The following SMIM7 variants were observed in gnomAD, a reference collection of about 807,000 sequenced individuals.
SMIM7 encodes the protein small integral membrane protein 7, also known as UPF0608 protein C19orf42.
In SMIM7, 12 loss-of-function variants were observed where a neutral mutation model predicts 13.3. The observed-to-expected ratio is 0.90, with a 90% confidence interval of 0.58 to 1.46. The LOEUF is 1.46. SMIM7 is among the 40% of genes most tolerant of loss of function. The pLI is 0.00. For synonymous variants in SMIM7, 36 were observed against 35.8 expected, an observed-to-expected ratio of 1.01 and a Z score of -0.02; for missense variants, 114 against 94.8, an observed-to-expected ratio of 1.20 and a Z score of -0.84.
intron 4 of SMIM7, 81 bp downstream of exon 4, chr19:16,653,954 C>CA (rs2086562523): frequency 9.2e-7 from 1 of 1,081,904 alleles, no homozygotes; most frequent in Admixed American, 2.2e-5. Context: ...ACTGAAAAGA[C>CA]AGAGAATGAC....
intron 4 of SMIM7, among the ~76,000 whole-genome samples, chr19:16,635,915 T>TATAC (rs2086357289): frequency 7.0e-6 from 1 of 142,468 alleles, no homozygotes; most frequent in African/African-American, 2.6e-5. Flanking sequence ...TATATATATA[T>TATAC]ATATATATGT....
chr19:16,654,156 C>T (rs754459148), intron 3 of SMIM7, 31 bp from the exon 4 acceptor site: 9 of 1,578,582 alleles, frequency 5.7e-6, no homozygotes, highest in East Asian at 2.2e-5. Flanking sequence ...TTTTATGGCA[C>T]AGCTAACATC....
chr19:16,632,272 G>A (rs2086327528), intron 4 of SMIM7, among the ~76,000 whole-genome samples: 1 of 151,998 alleles, frequency 6.6e-6, no homozygotes. Flanking sequence ...GCTTGGCTTT[G>A]CACTAAGTCT....
intron 4 of SMIM7, 57 bp from the exon 5 acceptor site, chr19:16,647,318 A>G: frequency 1.2e-6 from 2 of 1,602,464 alleles, no homozygotes; most frequent in Non-Finnish European, 1.7e-6. Context: ...TGTTCTAAAA[A>G]TATTGTCAGC....
At chr19:16,640,780 A>G (rs2086398671), downstream of SMIM7, 1 of 152,166 alleles carries the variant, frequency 6.6e-6, no homozygotes, top group Non-Finnish European at 1.5e-5. Flanking sequence ...TAAAAATACC[A>G]ACATTATCCA....
downstream of SMIM7, among the ~76,000 whole-genome samples, chr19:16,642,903 G>A (rs544831555): frequency 9.4e-5 from 14 of 149,518 alleles, no homozygotes; most frequent in East Asian, 6.0e-4. Flanking sequence ...GGCTCACTGC[G>A]ACCTCCACCT....
chr19:16,637,123 G>A (rs967333152), intron 4 of SMIM7, among the ~76,000 whole-genome samples: 1 of 152,166 alleles, frequency 6.6e-6, no homozygotes, highest in African/African-American at 2.4e-5. Flanking sequence ...ACAGCCACAC[G>A]TGGCTCCTGG....
At chr19:16,653,086 G>A (rs749420974) in intron 4 of SMIM7, 64 of 1,134,890 alleles carry the variant, frequency 5.6e-5, no homozygotes, top group East Asian at 1.1e-4. Flanking sequence ...TTTCCACCTC[G>A]GCAGATGCAG....
downstream of SMIM7, among the ~76,000 whole-genome samples, chr19:16,642,848 G>A (rs1211931501): frequency 2.9e-5 from 4 of 137,198 alleles, no homozygotes; most frequent in African/African-American, 8.3e-5. Flanking sequence ...TTTTGAGACA[G>A]AGTCTCACTC....
At chr19:16,634,942 CTT>C (rs1354734486) in intron 4 of SMIM7, 2 of 152,290 alleles carry the variant, frequency 1.3e-5, no homozygotes, top group Non-Finnish European at 2.9e-5. Context: ...TCTCACCACT[CTT>C]GAGTGGGTCT....
At position 16,659,676 on chromosome 19, in the gene SMIM7, C is replaced by T. The variant is rs532255085; in HGVS notation, c.69-229G>A. 314 of 653,974 alleles carry T rather than the reference C, an allele frequency of 4.8e-4. No individual in the cohort carries two copies. In the African/African-American group the frequency reaches 5.1e-3, roughly 11 times the overall value. The allele number at this position is 653,974 out of a possible 1,614,324, so 40.5% of individuals were successfully genotyped here. A position where few individuals can be genotyped will look rare whatever the true frequency, so the allele number is the denominator to read the frequency against. ...ACAAAGTGGCCCGACAGTGCGGGTG[C>T]AGGGCGGAAGGTCCGCGGTGGGGCT... On this transcript the variant is annotated intron_variant, in intron 2 of 4. Coordinates refer to ENST00000487416, the MANE Select transcript of SMIM7 (RefSeq NM_024104.4).
At chr19:16,659,358 G>A (rs774351914) in intron 3 of SMIM7, 37 bp downstream of exon 3, 6 of 1,586,584 alleles carry the variant, frequency 3.8e-6, no homozygotes, top group Non-Finnish European at 5.2e-6. Flanking sequence ...GTCCTCTGAA[G>A]TGGACCATGC....
chr19:16,659,992 A>C lies in SMIM7; in HGVS notation c.35T>G (p.Leu12Arg). ...GTTCAGCACCGCCCCGGCATTCATC[A>C]GCAACGTCCTGCAGAGGGAGAATTA... Reference protein sequence around the residue: ...IGDILLFGTLLMNAGAVLNFK... With the variant: ...IGDILLFGTLRMNAGAVLNFK... Residue 12 changes from leucine to arginine, a missense_variant, in exon 2 of 5, where the codon CTG becomes CGG. Coordinates refer to ENST00000487416, the MANE Select transcript of SMIM7 (RefSeq NM_024104.4). The C allele has an allele frequency of 6.2e-7, 1 of 1,613,898 alleles. No individual in the cohort carries two copies. The highest frequency in any genetic ancestry group is 8.5e-7 in the Non-Finnish European group (1 of 1,179,950).
chr19:16,635,620 G>A (rs954123781), intron 4 of SMIM7, among the ~76,000 whole-genome samples: 9 of 151,996 alleles, frequency 5.9e-5, no homozygotes, highest in African/African-American at 1.9e-4. Context: ...AGTGGCTCAC[G>A]CCAGTAATCT....
At position 16,648,189 on chromosome 19, in the gene SMIM7, G is replaced by A. The variant is rs532007259; in HGVS notation, c.213-928C>T. ...GGACTCTCACTCTGTTGCTCAGGGT[G>A]GAGTGCCGTGGGGCGATCTCGGCTC... On this transcript the variant is annotated intron_variant, in intron 4 of 4. Coordinates refer to ENST00000487416, the MANE Select transcript of SMIM7 (RefSeq NM_024104.4). Among the ~76,000 whole-genome samples, 152 of 152,154 alleles carry A rather than the reference G, an allele frequency of 1.0e-3. 1 individual carries two copies. Among genetic ancestry groups the A allele is most frequent in the African/African-American group, 3.5e-3 (145 of 41,500 alleles).
In SMIM7 at chr19:16,647,193, G is replaced by C. The variant is rs1273591983; in HGVS notation, c.*53C>G. The stretch of plus-strand genomic sequence containing the variant: ...ATTCTTGAAGTCATCAGGAATGGAG[G>C]AATGGAGACTCGGCATCCCGGGAAA... On this transcript the variant is annotated 3_prime_UTR_variant, in exon 5 of 5. Coordinates refer to ENST00000487416, the MANE Select transcript of SMIM7 (RefSeq NM_024104.4). The C allele has an allele frequency of 1.9e-6, 3 of 1,611,612 alleles. No individual in the cohort carries two copies. In the African/African-American group the frequency reaches 4.0e-5, roughly 21 times the overall value.
chr19:16,655,476 T>G (rs1599375705), intron 3 of SMIM7: 4 of 449,268 alleles, frequency 8.9e-6, no homozygotes, highest in African/African-American at 6.1e-5. Context: ...AGGTCGGGAG[T>G]TCGAGACCAG....
chr19:16,635,899 A>AAAAAAAAAAAAAAAAAAAAATATATAT (rs1200181092), intron 4 of SMIM7, among the ~76,000 whole-genome samples: 1 of 109,600 alleles, frequency 9.1e-6, no homozygotes, highest in African/African-American at 4.3e-5. Flanking sequence ...AAAAAAAAAA[A>AAAAAAAAAAAAAAAAAAAAATATATAT]ATATATATAT....
intron 4 of SMIM7, among the ~76,000 whole-genome samples, chr19:16,638,403 A>G (rs1479442944): frequency 6.9e-6 from 1 of 144,844 alleles, no homozygotes; most frequent in African/African-American, 2.6e-5. Flanking sequence ...TCCCGGGTTC[A>G]GGTGATTTTC....
Sources: gnomAD v4.1 joint callset for allele counts (sites outside exome capture counted in the v4.1 genomes callset) on GRCh38, gnomAD v4.1.1 for gene constraint, MANE v1.5 for transcripts, NCBI Gene and HGNC (gene_info 2026-07-23, HGNC 2026-07-21) for gene names.